WDPCP: variants seen among roughly 807,000 people sequenced by gnomAD.
WDPCP encodes the protein WD repeat-containing and planar cell polarity effector protein fritz homolog.
Under a neutral mutation model 93.1 loss-of-function variants are expected in WDPCP, and 71 were observed. The ratio of observed to expected loss-of-function variants is 0.76; its 90% CI spans 0.63 to 0.93. The LOEUF (loss-of-function observed/expected upper bound fraction) is 0.93. Among genes scored for constraint, WDPCP ranks in the 40% least tolerant of loss-of-function variants. The pLI is 0.00. For missense variants in WDPCP, 844 were observed against 887.4 expected, an observed-to-expected ratio of 0.95 and a Z score of 0.62; for synonymous variants, 315 against 315.0, an observed-to-expected ratio of 1.00 and a Z score of 0.00.
chr2:63,452,121 A>G (rs926274782), intron 6 of WDPCP, among the ~76,000 whole-genome samples: 4 of 152,092 alleles, frequency 2.6e-5, no homozygotes, highest in African/African-American at 4.8e-5. Context: ...GAAATAAAGG[A>G]TATTCAATTA....
At chr2:63,598,054 CTCTT>C (rs1333635665) in intron 3 of WDPCP, 3 of 152,174 alleles carry the variant, frequency 2.0e-5, no homozygotes, top group East Asian at 1.9e-4. Context: ...TTATAGTTCT[CTCTT>C]TGTGTTCAAA....
intron 10 of WDPCP, among the ~76,000 whole-genome samples, chr2:63,393,555 A>G (rs914537650): frequency 3.3e-5 from 5 of 151,642 alleles, no homozygotes; most frequent in Non-Finnish European, 4.4e-5. Context: ...AAAAAAGGGG[A>G]AAAAAAAGAA....
intron 2 of WDPCP, among the ~76,000 whole-genome samples, chr2:63,810,647 A>C (rs988140607): frequency 1.3e-5 from 2 of 152,236 alleles, no homozygotes; most frequent in Non-Finnish European, 2.9e-5. Flanking sequence ...GCAAGTACCA[A>C]ATCAGGGAAG....
At chr2:63,732,490 A>G (rs561294944) in intron 2 of WDPCP, among the ~76,000 whole-genome samples, 1 of 152,318 alleles carries the variant, frequency 6.6e-6, no homozygotes, top group African/African-American at 2.4e-5. Flanking sequence ...TTGAGGACCT[A>G]AAAACTATAA....
intron 14 of WDPCP, among the ~76,000 whole-genome samples, chr2:63,213,965 T>C (rs1183408392): frequency 1.3e-5 from 2 of 152,096 alleles, no homozygotes; most frequent in East Asian, 1.9e-4. Flanking sequence ...GGCTCTGAAA[T>C]TGAGGCAATA....
chr2:63,717,760 C>T (rs778861017), intron 2 of WDPCP: 28 of 371,958 alleles, frequency 7.5e-5, no homozygotes, highest in East Asian at 1.5e-4. Flanking sequence ...ATGATGGAGA[C>T]GAATTACTAC....
In WDPCP at chr2:63,382,039, G is replaced by C. The variant is rs577571642; in HGVS notation, c.1491C>G (p.His497Gln). The C allele has an allele frequency of 2.5e-6, 4 of 1,613,364 alleles. No individual in the cohort carries two copies. The African/African-American group carries it at 5.3e-5, about 22-fold the overall frequency. ...TTATTGCCTCATAGATCTCATCACA[G>C]TGAATGTACTGGAAGATGATGTCTA... ...GLIDIIFQYI[H>Q]CDEIYEAINI... is the part of the protein sequence containing the mutation. Residue 497 changes from histidine (H) to glutamine (Q), a missense_variant, in exon 11 of 18, where the codon CAC (histidine) becomes CAG (glutamine). Transcript: ENST00000272321.
At chr2:63,124,094 G>GTTT (rs371994534) in intron 17 of WDPCP, among the ~76,000 whole-genome samples, 1 of 134,916 alleles carries the variant, frequency 7.4e-6, no homozygotes, top group Non-Finnish European at 1.6e-5. Context: ...TAGGCATGAA[G>GTTT]TTTTTTTTTT....
chr2:63,482,107 A>G (rs997626563), intron 6 of WDPCP, among the ~76,000 whole-genome samples: 1 of 152,022 alleles, frequency 6.6e-6, no homozygotes, highest in Non-Finnish European at 1.5e-5. Flanking sequence ...TCACTGTTTG[A>G]CACAGAGAAA....
Position 63,437,517 on chromosome 2 carries a change from CA to C in WDPCP, c.536del (p.Leu179TrpfsTer20). 6.3e-7 allele frequency: 1 copy of C among 1,592,726 alleles called. No homozygotes were observed. The highest frequency in any genetic ancestry group is 1.7e-5 in the Admixed American group (1 of 57,270). ...LTDSFIILSF[L>X]AQNKLCFIQF... ...GAATAAAACATAGTTTGTTTTGTGC[CA>C]AAAATGATAAGATGATAAAACTGTC... On this transcript the variant is annotated frameshift_variant, in exon 8 of 18. Transcript: ENST00000272321. LOFTEE classifies it high-confidence loss of function.
upstream of WDPCP, among the ~76,000 whole-genome samples, chr2:63,592,599 T>TC (rs1709221485): frequency 6.6e-6 from 1 of 151,990 alleles, no homozygotes; most frequent in Admixed American, 6.6e-5. Flanking sequence ...ACCCGCCTTG[T>TC]CCCCCCGCGC....
In WDPCP at chr2:63,553,058, T is replaced by A. The variant is rs200326303; in HGVS notation, c.75+35139A>T. ...GCCTGATGGCACTGAAGGAAAAGCA[T>A]CCAACAGACTCACTGACACTTGGGG... On this transcript the variant is annotated intron_variant, in intron 1 of 17. Coordinates refer to ENST00000272321, the MANE Select transcript of WDPCP (RefSeq NM_015910.7). 2.1e-4 allele frequency among the ~76,000 whole-genome samples: 32 copies of A among 152,290 alleles called. No individual in the cohort carries two copies. In the East Asian group the frequency reaches 5.0e-3, roughly 24 times the overall value.
chr2:63,809,512 C>T (rs987610602), intron 2 of WDPCP, among the ~76,000 whole-genome samples: 15 of 152,274 alleles, frequency 9.9e-5, no homozygotes, highest in African/African-American at 2.9e-4. Context: ...GGATGGTTGC[C>T]GTGTCTGTGT....
At chr2:63,575,357 T>TACAGTATATACAGTATATACAGTATATAC (rs1553438272) in intron 1 of WDPCP, among the ~76,000 whole-genome samples, 1 of 107,892 alleles carries the variant, frequency 9.3e-6, no homozygotes, top group Admixed American at 8.9e-5. Flanking sequence ...ATATGGTATA[T>TACAGTATATACAGTATATACAGTATATAC]ACAGTATATA....
At chr2:63,137,856 G>T (rs1357924799) in intron 17 of WDPCP, among the ~76,000 whole-genome samples, 1 of 152,094 alleles carries the variant, frequency 6.6e-6, no homozygotes, top group Non-Finnish European at 1.5e-5. Context: ...TTGAAGATCA[G>T]ATAGTTGTAG....
chr2:63,193,724 T>A (rs1675211406), intron 14 of WDPCP, among the ~76,000 whole-genome samples: 1 of 152,198 alleles, frequency 6.6e-6, no homozygotes, highest in Admixed American at 6.5e-5. Flanking sequence ...ATTTTATATA[T>A]AAGCTAAGTG....
At chr2:63,282,491 C>A (rs575035776) in intron 13 of WDPCP, among the ~76,000 whole-genome samples, 1 of 152,154 alleles carries the variant, frequency 6.6e-6, no homozygotes, top group African/African-American at 2.4e-5. Context: ...GGCGACAGAG[C>A]GAGACTCTGT....
chr2:63,614,388 A>G (rs1709650391), intron 3 of WDPCP, among the ~76,000 whole-genome samples: 1 of 152,120 alleles, frequency 6.6e-6, no homozygotes. Flanking sequence ...CTCCACTCCT[A>G]TGTTTACCCA....
intron 10 of WDPCP, among the ~76,000 whole-genome samples, chr2:63,389,632 G>A (rs1693048774): frequency 6.6e-6 from 1 of 152,132 alleles, no homozygotes; most frequent in Admixed American, 6.6e-5. Flanking sequence ...ACCCATCACT[G>A]TGCTGTATTC....
Sources: allele counts gnomAD v4.1 joint callset (sites outside exome capture counted in the v4.1 genomes callset), GRCh38; gene constraint gnomAD v4.1.1; transcripts MANE v1.5; gene names NCBI Gene and HGNC (gene_info 2026-07-23, HGNC 2026-07-21).